The following ASTN2 variants were observed in gnomAD, a reference collection of about 807,000 sequenced individuals.
ASTN2 encodes the protein astrotactin-2.
In ASTN2, 54 loss-of-function variants were observed where a neutral mutation model predicts 139.8. The ratio of observed to expected loss-of-function variants is 0.39; its 90% CI spans 0.31 to 0.48. The LOEUF is 0.48. Among genes scored for constraint, ASTN2 ranks in the 20% least tolerant of loss-of-function variants. ASTN2 has a pLI of 0.95. For synonymous variants in ASTN2, 756 were observed against 719.5 expected (o/e 1.05, Z -0.81); for missense variants, 1,565 against 1,725.1 (o/e 0.91, Z 1.64).
chr9:117,099,635 A>G (rs1041021548), intron 4 of ASTN2, among the ~76,000 whole-genome samples: 1 of 152,250 alleles, frequency 6.6e-6, no homozygotes, highest in African/African-American at 2.4e-5. Context: ...GAGATAGGTT[A>G]CTACATTTAT....
At chr9:116,588,898 T>A (rs932419876) in intron 19 of ASTN2, among the ~76,000 whole-genome samples, 8 of 152,184 alleles carry the variant, frequency 5.3e-5, no homozygotes, top group African/African-American at 1.9e-4. Context: ...AATACAGACC[T>A]ATAAGGAAAC....
chr9:116,521,036 C>T (rs1353115214), intron 19 of ASTN2, among the ~76,000 whole-genome samples: 1 of 151,968 alleles, frequency 6.6e-6, no homozygotes, highest in Admixed American at 6.6e-5. Context: ...TATCCCATGC[C>T]TATGAATGAA....
At chr9:117,196,570 A>G (rs1831509447) in intron 3 of ASTN2, among the ~76,000 whole-genome samples, 1 of 152,040 alleles carries the variant, frequency 6.6e-6, no homozygotes, top group South Asian at 2.1e-4. Flanking sequence ...CCTATCTATC[A>G]CTGTCGGCCA....
intron 19 of ASTN2, among the ~76,000 whole-genome samples, chr9:116,490,172 G>T (rs1010060739): frequency 2.7e-5 from 4 of 149,160 alleles, no homozygotes; most frequent in South Asian, 2.1e-4. Context: ...TTCTTCTGTA[G>T]GCCTCTTATA....
intron 19 of ASTN2, among the ~76,000 whole-genome samples, chr9:116,534,880 C>T (rs1427794948): frequency 2.0e-5 from 3 of 152,162 alleles, no homozygotes; most frequent in African/African-American, 7.2e-5. Flanking sequence ...ATTAGGTCCA[C>T]TTGGTGCAGA....
At chr9:117,393,446 A>G (rs895607667) in intron 1 of ASTN2, among the ~76,000 whole-genome samples, 3 of 152,164 alleles carry the variant, frequency 2.0e-5, no homozygotes, top group Admixed American at 1.3e-4. Context: ...AAAAAACACT[A>G]AAGACAGAAA....
intron 2 of ASTN2, chr9:117,276,914 A>G (rs1834204822): frequency 6.6e-6 from 1 of 152,210 alleles, no homozygotes; most frequent in African/African-American, 2.4e-5. Flanking sequence ...TGTGAGAATT[A>G]AATAATAATT....
intron 13 of ASTN2, among the ~76,000 whole-genome samples, chr9:116,781,628 A>T (rs576977527): frequency 1.8e-4 from 28 of 152,254 alleles, no homozygotes; most frequent in African/African-American, 5.5e-4. Context: ...CTGTTGTGCA[A>T]AAAGCTCATT....
chr9:116,624,953 T>A (rs1364156170), intron 17 of ASTN2, among the ~76,000 whole-genome samples: 1 of 152,214 alleles, frequency 6.6e-6, no homozygotes, highest in Non-Finnish European at 1.5e-5. Context: ...AGTCAATGTT[T>A]GTTGAATTAA....
intron 13 of ASTN2, among the ~76,000 whole-genome samples, chr9:116,789,792 C>A (rs1739543281): frequency 6.6e-6 from 1 of 152,124 alleles, no homozygotes; most frequent in African/African-American, 2.4e-5. Flanking sequence ...TCAAGTGTGA[C>A]AGGACGCACA....
chr9:116,890,930 T>C (rs1402693239), intron 10 of ASTN2, among the ~76,000 whole-genome samples: 1 of 152,190 alleles, frequency 6.6e-6, no homozygotes, highest in Non-Finnish European at 1.5e-5. Context: ...CCATTTGGTC[T>C]CAGCGGCCTC....
At chr9:116,666,631 TTA>T (rs1180721820) in intron 16 of ASTN2, among the ~76,000 whole-genome samples, 1 of 152,144 alleles carries the variant, frequency 6.6e-6, no homozygotes, top group Non-Finnish European at 1.5e-5. Flanking sequence ...TTTCTTTCTT[TTA>T]TAGTCTTTTG....
At position 116,875,261 on chromosome 9, in the gene ASTN2, G is replaced by A. The variant is rs116415704; in HGVS notation, c.1890-11528C>T. 5.2e-3 allele frequency among the ~76,000 whole-genome samples: 791 copies of A among 152,286 alleles called. 5 individuals are homozygous for A. The highest frequency in any genetic ancestry group is 0.018 in the African/African-American group (768 of 41,566). On this transcript the variant is annotated intron_variant, in intron 10 of 22. Coordinates refer to ENST00000313400, the MANE Select transcript of ASTN2 (RefSeq NM_001365068.1). Reference sequence around the variant, plus strand: ...ACTTCTGTGAACACACAAATGATAAGAAAGTGAAACAGCTTTATTTCTGTT... The same window carrying A: ...ACTTCTGTGAACACACAAATGATAAAAAAGTGAAACAGCTTTATTTCTGTT...
At chr9:116,937,863 C>T (rs911162839) in intron 10 of ASTN2, among the ~76,000 whole-genome samples, 2 of 152,170 alleles carry the variant, frequency 1.3e-5, no homozygotes, top group Non-Finnish European at 2.9e-5. Context: ...ATCTTTTCTG[C>T]CTTCATAAAG....
In ASTN2 at chr9:116,672,285, G is replaced by A. The variant is rs376866421; in HGVS notation, c.2807-20492C>T. Among the ~76,000 whole-genome samples, 70 of 151,822 alleles carry A rather than the reference G, an allele frequency of 4.6e-4. 2 individuals are homozygous for A. The highest frequency in any genetic ancestry group is 1.6e-3 in the African/African-American group (65 of 41,390). On this transcript the variant is annotated intron_variant, in intron 16 of 22. Transcript: ENST00000313400. ...GGGGACTGAGGTGGGAGGATCACTT[G>A]AGCCAGGGAGGTCAAGGCTGCAGTG...
intron 10 of ASTN2, among the ~76,000 whole-genome samples, chr9:116,900,842 T>C (rs1223155405): frequency 6.6e-6 from 1 of 152,174 alleles, no homozygotes; most frequent in Non-Finnish European, 1.5e-5. Flanking sequence ...CACATTTACT[T>C]TGTAAAGCAA....
chr9:117,179,808 T>G (rs1436230101), intron 3 of ASTN2, among the ~76,000 whole-genome samples: 3 of 152,178 alleles, frequency 2.0e-5, no homozygotes, highest in Non-Finnish European at 4.4e-5. Flanking sequence ...GATCTGTCAT[T>G]TCAGGCTGCT....
At chr9:116,909,810 C>T (rs1001821280) in intron 10 of ASTN2, among the ~76,000 whole-genome samples, 2 of 152,162 alleles carry the variant, frequency 1.3e-5, no homozygotes, top group African/African-American at 4.8e-5. Flanking sequence ...GAAGGAGTGA[C>T]CAGCTATTTT....
chr9:116,630,141 A>G (rs1856673305), intron 17 of ASTN2, among the ~76,000 whole-genome samples: 1 of 152,188 alleles, frequency 6.6e-6, no homozygotes, highest in Non-Finnish European at 1.5e-5. Flanking sequence ...GTAGAGCAAC[A>G]CCATGAATTT....
Sources: allele counts gnomAD v4.1 joint callset (sites outside exome capture counted in the v4.1 genomes callset), GRCh38; gene constraint gnomAD v4.1.1; transcripts MANE v1.5; gene names NCBI Gene and HGNC (gene_info 2026-07-23, HGNC 2026-07-21).